Variants in CYLC2 observed in about 807,000 individuals in gnomAD.
The protein encoded by CYLC2 is cylicin-2.
CYLC2 carries 30 observed loss-of-function variants against 26.1 expected under a neutral mutation model. The observed-to-expected ratio is 1.15, with a 90% CI of 0.86 to 1.56. The LOEUF is 1.56. Ranked by LOEUF, CYLC2 falls within the 40% of genes most tolerant of loss-of-function variation. The pLI, the probability that CYLC2 is intolerant of heterozygous loss-of-function variation, is 0.00. For missense variants in CYLC2, 498 were observed against 394.4 expected (o/e 1.26, Z -2.23); for synonymous variants, 158 against 132.8 (o/e 1.19, Z -1.31).
rs772676275 is a variant in CYLC2 at position 103,004,869 on chromosome 9, T to C, written c.337+18T>C. The C allele has an allele frequency of 4.4e-6, 7 of 1,599,180 alleles. No individual in the cohort carries two copies. In the South Asian group the frequency reaches 6.9e-5, roughly 16 times the overall value. On this transcript the variant is annotated intron_variant, in intron 4 of 7. Transcript: ENST00000374798. ...AGCAGCAGGTAGAGATAACTTACTGTTTTTATAGTATCTCTGTAATTTTCT... is the reference window on the plus strand; with the variant it reads ...AGCAGCAGGTAGAGATAACTTACTGCTTTTATAGTATCTCTGTAATTTTCT...
intron 5 of CYLC2, among the ~76,000 whole-genome samples, chr9:103,008,294 T>C (rs1564099023): frequency 6.6e-6 from 1 of 152,150 alleles, no homozygotes; most frequent in Non-Finnish European, 1.5e-5. Context: ...AATTTTCTTG[T>C]AGTTAAATTT....
At chr9:103,015,959 A>G (rs555917990) in intron 6 of CYLC2, among the ~76,000 whole-genome samples, 67 of 150,210 alleles carry the variant, frequency 4.5e-4, no homozygotes, top group African/African-American at 1.5e-3. Context: ...AATTGTATAT[A>G]TATAATATGT....
At chr9:103,014,440 C>T (rs1290446181) in intron 6 of CYLC2, among the ~76,000 whole-genome samples, 2 of 92,218 alleles carry the variant, frequency 2.2e-5, no homozygotes, top group African/African-American at 3.6e-5. Context: ...ATGTATATTA[C>T]ATAATATACA....
chr9:102,995,916 T>G (rs1829232656), intron 1 of CYLC2, among the ~76,000 whole-genome samples: 1 of 151,870 alleles, frequency 6.6e-6, no homozygotes, highest in East Asian at 1.9e-4. Flanking sequence ...AAGTACTTTG[T>G]AATGTAAAGC....
intron 5 of CYLC2, among the ~76,000 whole-genome samples, chr9:103,009,746 C>G (rs1829386398): frequency 6.6e-6 from 1 of 151,926 alleles, no homozygotes; most frequent in African/African-American, 2.4e-5. Context: ...GATAACCATC[C>G]TTTTACCCTC....
At chr9:103,008,597 C>A (rs1000832304) in intron 5 of CYLC2, among the ~76,000 whole-genome samples, 1 of 152,026 alleles carries the variant, frequency 6.6e-6, no homozygotes, top group Non-Finnish European at 1.5e-5. Flanking sequence ...TTCTGCCAAA[C>A]CCATTAAATG....
chr9:103,015,565 A>T (rs1286156599), intron 6 of CYLC2, among the ~76,000 whole-genome samples: 1 of 144,138 alleles, frequency 6.9e-6, no homozygotes, highest in African/African-American at 2.5e-5. Flanking sequence ...ATATGTATAT[A>T]TACATAAAAT....
intron 6 of CYLC2, among the ~76,000 whole-genome samples, chr9:103,012,968 C>G (rs1166959739): frequency 6.7e-6 from 1 of 149,526 alleles, no homozygotes; most frequent in African/African-American, 2.5e-5. Context: ...AATCCATAAA[C>G]TTTGAAAGTG....
chr9:103,015,763 T>A (rs906707972), intron 6 of CYLC2, among the ~76,000 whole-genome samples: 5 of 149,748 alleles, frequency 3.3e-5, no homozygotes, highest in Non-Finnish European at 7.4e-5. Context: ...TTACATCTAG[T>A]TTTAAACTGT....
chr9:102,995,336 T>C lies in CYLC2; in HGVS notation c.-45T>C, dbSNP rs756497464. 2.3e-5 allele frequency: 35 copies of C among 1,533,794 alleles called. No homozygotes were observed. The highest frequency in any genetic ancestry group is 2.7e-6 in the Non-Finnish European group (3 of 1,108,390). ...GATGTCACCTTTCAACATCACCAGT[T>C]TGAACTTACAATACTTAAGTCCTGG... On this transcript the variant is annotated 5_prime_UTR_variant, in exon 1 of 8. Coordinates refer to ENST00000374798, the MANE Select transcript of CYLC2 (RefSeq NM_001340.5).
intron 6 of CYLC2, among the ~76,000 whole-genome samples, chr9:103,014,143 T>G (rs10990436): frequency 8.3e-6 from 1 of 120,490 alleles, no homozygotes; most frequent in Admixed American, 9.6e-5. Context: ...ATATATTAAA[T>G]ATATTATTTA....
chr9:102,998,411 C>T lies in CYLC2; in HGVS notation c.17+3014C>T, dbSNP rs117753084. ...TTTCAATAAGACAGTTTGTAAGTTT[C>T]TTTAATAAGAATGTCAAAAATTGAA... On this transcript the variant is annotated intron_variant, in intron 1 of 7. Transcript: ENST00000374798. 9.5e-3 allele frequency among the ~76,000 whole-genome samples: 1,438 copies of T among 151,896 alleles called. 61 individuals are homozygous for T. In the East Asian group the frequency reaches 0.16, roughly 17 times the overall value.
intron 7 of CYLC2, among the ~76,000 whole-genome samples, chr9:103,017,436 A>G (rs565700482): frequency 2.0e-5 from 3 of 152,170 alleles, no homozygotes; most frequent in African/African-American, 7.2e-5. Flanking sequence ...TACACAAATT[A>G]GAGTTTTAGT....
chr9:103,008,745 T>C (rs1829376423), intron 5 of CYLC2, among the ~76,000 whole-genome samples: 1 of 152,172 alleles, frequency 6.6e-6, no homozygotes, highest in Non-Finnish European at 1.5e-5. Context: ...ATTCATTACA[T>C]TTCTACCACT....
chr9:103,014,573 A>ACGCAG (rs1564101237), intron 6 of CYLC2, among the ~76,000 whole-genome samples: 12 of 143,930 alleles, frequency 8.3e-5, no homozygotes, highest in East Asian at 2.1e-4. Context: ...TATGTATATT[A>ACGCAG]TGCAGTATAC....
chr9:103,005,190 A>G lies in CYLC2; in HGVS notation c.559A>G (p.Lys187Glu). 6.2e-7 allele frequency: 1 copy of G among 1,607,308 alleles called. No homozygotes were observed. The highest frequency in any genetic ancestry group is 1.1e-5 in the South Asian group (1 of 90,142). ...ESEDEKGGAK[K>E]DNKKDKKDSN... is the part of the protein sequence containing the mutation. ...TGAAGATGAAAAAGGAGGTGCAAAGAAAGATAACAAAAAAGATAAAAAGGA... is the reference window on the plus strand; with the variant it reads ...TGAAGATGAAAAAGGAGGTGCAAAGGAAGATAACAAAAAAGATAAAAAGGA... Residue 187 changes from lysine to glutamate, a missense_variant, in exon 5 of 8, where the codon AAA becomes GAA. Physicochemically the swap from Lys to Glu is moderately conservative, Grantham distance 56. Transcript: ENST00000374798.
rs1423536552 is a variant in CYLC2 at position 103,015,099 on chromosome 9, ACG to A, written c.*817-1788_*817-1787del. Among the ~76,000 whole-genome samples the A allele has an allele frequency of 1.2e-3, 65 of 53,548 alleles. 3 individuals carry two copies. Among genetic ancestry groups the A allele is most frequent in the African/African-American group, 3.9e-3 (59 of 15,002 alleles). 35.1% of individuals were successfully genotyped at this position (53,548 alleles called of 152,430 possible). On this transcript the variant is annotated intron_variant, in intron 6 of 7. Coordinates refer to ENST00000374798, the MANE Select transcript of CYLC2 (RefSeq NM_001340.5). ...ATGTAATATACATAACATGTATATC[ACG>A]TGATATACATAACATGTATATCACG...
At chr9:103,009,690 C>T (rs1829385784) in intron 5 of CYLC2, among the ~76,000 whole-genome samples, 1 of 152,000 alleles carries the variant, frequency 6.6e-6, no homozygotes, top group South Asian at 2.1e-4. Context: ...TGTGCATTAA[C>T]GATTCTCATC....
intron 7 of CYLC2, among the ~76,000 whole-genome samples, chr9:103,017,198 T>G (rs188751673): frequency 1.3e-5 from 2 of 151,870 alleles, no homozygotes; most frequent in African/African-American, 4.8e-5. Flanking sequence ...CAAAAGGGGA[T>G]TTAAGGTGGG....
Sources: allele counts gnomAD v4.1 joint callset (sites outside exome capture counted in the v4.1 genomes callset), GRCh38; gene constraint gnomAD v4.1.1; transcripts MANE v1.5; gene names NCBI Gene and HGNC (gene_info 2026-07-23, HGNC 2026-07-21).